SGCZ: variants seen among roughly 807,000 people sequenced by gnomAD.
SGCZ encodes zeta-sarcoglycan.
In SGCZ, 40 loss-of-function variants were observed where a neutral mutation model predicts 41.3. That is an observed-to-expected ratio of 0.97 (90% CI 0.75 to 1.26). The LOEUF (loss-of-function observed/expected upper bound fraction) is 1.26. SGCZ is among the 50% of genes most tolerant of loss of function. The pLI is 0.00. For synonymous variants in SGCZ, 206 were observed against 137.5 expected (o/e 1.50, Z -3.49); for missense variants, 552 against 369.8 (o/e 1.49, Z -4.04).
intron 1 of SGCZ, among the ~76,000 whole-genome samples, chr8:15,063,910 C>T (rs1321691404): frequency 6.6e-6 from 1 of 152,030 alleles, no homozygotes; most frequent in Admixed American, 6.6e-5. Flanking sequence ...CGAGTGTTGC[C>T]CTGAGTCAAG....
rs192115277 is a variant in SGCZ, at chr8:14,610,726, G to C, written c.40-55800C>G. Among the ~76,000 whole-genome samples, 541 of 152,220 alleles carry C rather than the reference G, an allele frequency of 3.6e-3. 3 individuals carry two copies. The highest frequency in any genetic ancestry group is 0.012 in the African/African-American group (507 of 41,544). On this transcript the variant is annotated intron_variant, in intron 1 of 7. Transcript: ENST00000382080. ...ATGAAAAAAATAAGTTGCATCTGTTGTAAGACATAACACACAGACACTGCC... is the reference window on the plus strand; with the variant it reads ...ATGAAAAAAATAAGTTGCATCTGTTCTAAGACATAACACACAGACACTGCC...
At position 14,094,936 on chromosome 8, in the gene SGCZ, T is replaced by A. The variant is rs577621477; in HGVS notation, c.745-4299A>T. 3.9e-5 allele frequency among the ~76,000 whole-genome samples: 6 copies of A among 152,140 alleles called. No homozygotes were observed. The East Asian group carries it at 1.2e-3, about 30-fold the overall frequency. ...TTTGTTGGCTGCATAAATATCTTCT[T>A]TGGACAAGTGTCTGTTCATATCCTT... On this transcript the variant is annotated intron_variant, in intron 7 of 7. Coordinates refer to ENST00000382080, the MANE Select transcript of SGCZ (RefSeq NM_139167.4).
chr8:14,297,978 A>C (rs1162708542), intron 3 of SGCZ, among the ~76,000 whole-genome samples: 1 of 152,014 alleles, frequency 6.6e-6, no homozygotes, highest in Non-Finnish European at 1.5e-5. Flanking sequence ...AATATTAACA[A>C]AACGGCCCTA....
intron 3 of SGCZ, chr8:14,309,311 A>G (rs1801449335): frequency 5.7e-6 from 9 of 1,591,156 alleles, no homozygotes; most frequent in Non-Finnish European, 6.9e-6. Context: ...TAAGGATGGT[A>G]TTGAGACTAT....
intron 1 of SGCZ, among the ~76,000 whole-genome samples, chr8:15,105,304 A>G (rs1174027627): frequency 6.6e-6 from 1 of 152,112 alleles, no homozygotes; most frequent in African/African-American, 2.4e-5. Flanking sequence ...ACAGATGTGT[A>G]TTAGTCTCAC....
intron 3 of SGCZ, among the ~76,000 whole-genome samples, chr8:14,280,115 T>C (rs527619844): frequency 1.3e-5 from 2 of 152,110 alleles, no homozygotes; most frequent in Admixed American, 6.5e-5. Context: ...TAATGAAATA[T>C]ACTTTTACAG....
chr8:14,892,307 C>T (rs1271960869), intron 1 of SGCZ, among the ~76,000 whole-genome samples: 1 of 152,078 alleles, frequency 6.6e-6, no homozygotes, highest in Admixed American at 6.6e-5. Context: ...TACCTCATTC[C>T]ACCTGCTGAT....
chr8:14,986,597 T>C (rs912566559), intron 1 of SGCZ, among the ~76,000 whole-genome samples: 1 of 152,088 alleles, frequency 6.6e-6, no homozygotes, highest in Admixed American at 6.5e-5. Context: ...TTAAATTATA[T>C]ATATATGCCA....
intron 4 of SGCZ, among the ~76,000 whole-genome samples, chr8:14,217,195 C>T (rs1195792942): frequency 1.4e-5 from 2 of 146,032 alleles, no homozygotes; most frequent in Non-Finnish European, 3.0e-5. Flanking sequence ...ATTTGGGAGG[C>T]TGAGGCAGGA....
In SGCZ at chr8:15,149,910, C is replaced by T. The variant is rs767954711; in HGVS notation, c.39+87675G>A. Among the ~76,000 whole-genome samples, 87 of 152,186 alleles carry T rather than the reference C, an allele frequency of 5.7e-4. 1 individual carries two copies. In the Middle Eastern group the frequency reaches 0.034, roughly 60 times the overall value. ...AAACAAAAATGTGCATCAACAGAGA[C>T]CTGGAGGCATCATGGGAAACCATGC... is the stretch of plus-strand genomic sequence containing the variant. On this transcript the variant is annotated intron_variant, in intron 1 of 7. Transcript: ENST00000382080.
chr8:14,127,816 T>C (rs779254456), intron 5 of SGCZ, among the ~76,000 whole-genome samples: 9 of 152,228 alleles, frequency 5.9e-5, no homozygotes, highest in Admixed American at 2.0e-4. Flanking sequence ...GGTTATTACA[T>C]AGGTAAACTC....
At chr8:14,874,161 T>C (rs1159993471) in intron 1 of SGCZ, among the ~76,000 whole-genome samples, 4 of 152,172 alleles carry the variant, frequency 2.6e-5, no homozygotes, top group African/African-American at 4.8e-5. Context: ...TTCTTCTAGT[T>C]ATAAAGAAAA....
At chr8:15,068,502 T>A (rs1461433673) in intron 1 of SGCZ, among the ~76,000 whole-genome samples, 1 of 152,204 alleles carries the variant, frequency 6.6e-6, no homozygotes, top group African/African-American at 2.4e-5. Flanking sequence ...ATCCTCTTTA[T>A]CTCCAAATTA....
At chr8:14,195,225 G>T (rs1805229347) in intron 4 of SGCZ, among the ~76,000 whole-genome samples, 1 of 152,008 alleles carries the variant, frequency 6.6e-6, no homozygotes, top group Admixed American at 6.6e-5. Flanking sequence ...CTGGAGAAAA[G>T]TCAGGGACAT....
chr8:14,602,403 T>C (rs990695521), intron 1 of SGCZ, among the ~76,000 whole-genome samples: 4 of 151,610 alleles, frequency 2.6e-5, no homozygotes, highest in Admixed American at 1.3e-4. Context: ...GGGGAGGTAA[T>C]TGGGAGGCCG....
At chr8:15,021,642 G>T (rs1366915018) in intron 1 of SGCZ, among the ~76,000 whole-genome samples, 1 of 152,170 alleles carries the variant, frequency 6.6e-6, no homozygotes, top group Non-Finnish European at 1.5e-5. Flanking sequence ...ACCCTGCGTG[G>T]GATGTGACGT....
intron 1 of SGCZ, among the ~76,000 whole-genome samples, chr8:14,607,593 A>C (rs1208795297): frequency 6.6e-6 from 1 of 152,192 alleles, no homozygotes; most frequent in Non-Finnish European, 1.5e-5. Flanking sequence ...GCCCAAATTG[A>C]CAACAATTTC....
At chr8:15,195,707 T>C (rs973810580) in intron 1 of SGCZ, among the ~76,000 whole-genome samples, 3 of 152,154 alleles carry the variant, frequency 2.0e-5, no homozygotes, top group African/African-American at 4.8e-5. Context: ...TTTGGTATGT[T>C]CAAGTATAAT....
intron 1 of SGCZ, among the ~76,000 whole-genome samples, chr8:14,581,844 C>T (rs1327629068): frequency 1.3e-5 from 2 of 152,100 alleles, no homozygotes; most frequent in African/African-American, 4.8e-5. Flanking sequence ...TAATTAGTTG[C>T]TTTTTATACA....
Sources: allele counts gnomAD v4.1 joint callset (sites outside exome capture counted in the v4.1 genomes callset), GRCh38; gene constraint gnomAD v4.1.1; transcripts MANE v1.5; gene names NCBI Gene and HGNC (gene_info 2026-07-23, HGNC 2026-07-21).